The following RCAN2 variants were observed in gnomAD, a reference collection of about 807,000 sequenced individuals.
RCAN2 encodes the protein regulator of calcineurin 2.
In RCAN2, 9 loss-of-function variants were observed where a neutral mutation model predicts 23.6. The observed-to-expected ratio is 0.38, with a 90% CI of 0.23 to 0.67. The LOEUF (loss-of-function observed/expected upper bound fraction) is 0.67, where lower values mean the gene tolerates loss of function less well. Ranked by LOEUF, RCAN2 falls within the 30% of genes least tolerant of loss-of-function variation. RCAN2 has a pLI of 0.51. For missense variants in RCAN2, 273 were observed against 302.3 expected (o/e 0.90, Z 0.72); for synonymous variants, 109 against 115.7 (o/e 0.94, Z 0.37).
intron 2 of RCAN2, among the ~76,000 whole-genome samples, chr6:46,297,858 A>G (rs931828282): frequency 6.6e-6 from 1 of 152,122 alleles, no homozygotes; most frequent in African/African-American, 2.4e-5. Flanking sequence ...ATAATTCTTT[A>G]AGGCCCAAAC....
At chr6:46,358,035 C>A (rs893725122) in intron 2 of RCAN2, among the ~76,000 whole-genome samples, 2 of 152,024 alleles carry the variant, frequency 1.3e-5, no homozygotes, top group African/African-American at 4.8e-5. Context: ...TGTATAAAAT[C>A]TTTAGTTTAT....
chr6:46,388,552 T>C (rs978198108), intron 2 of RCAN2, among the ~76,000 whole-genome samples: 5 of 152,188 alleles, frequency 3.3e-5, no homozygotes, highest in Non-Finnish European at 5.9e-5. Flanking sequence ...TCAACCTTAA[T>C]GTCCATCAAT....
intron 2 of RCAN2, among the ~76,000 whole-genome samples, chr6:46,323,149 TA>T (rs1253924190): frequency 1.3e-5 from 2 of 152,160 alleles, no homozygotes; most frequent in African/African-American, 4.8e-5. Flanking sequence ...CAGCTGGATT[TA>T]GGACATTCTG....
chr6:46,267,398 AG>A (rs1254746467), intron 2 of RCAN2, among the ~76,000 whole-genome samples: 6 of 152,150 alleles, frequency 3.9e-5, no homozygotes, highest in Non-Finnish European at 7.3e-5. Flanking sequence ...AGAATTAAAG[AG>A]GGTCGGTATG....
At chr6:46,258,294 C>A (rs1219440743) in intron 2 of RCAN2, among the ~76,000 whole-genome samples, 2 of 152,228 alleles carry the variant, frequency 1.3e-5, no homozygotes. Flanking sequence ...ATGTGACGGG[C>A]ATAACTGGCG....
chr6:46,334,344 A>C (rs2150368803), intron 2 of RCAN2, among the ~76,000 whole-genome samples: 1 of 152,350 alleles, frequency 6.6e-6, no homozygotes. Flanking sequence ...CCAAACAACA[A>C]GGCCTGCCAT....
At chr6:46,284,142 G>A (rs970302006) in intron 2 of RCAN2, among the ~76,000 whole-genome samples, 3 of 152,252 alleles carry the variant, frequency 2.0e-5, no homozygotes, top group Admixed American at 6.5e-5. Context: ...AAAGGATAAA[G>A]CGATAGAGTT....
chr6:46,314,570 A>C (rs1319235999), intron 2 of RCAN2, among the ~76,000 whole-genome samples: 1 of 152,088 alleles, frequency 6.6e-6, no homozygotes, highest in Non-Finnish European at 1.5e-5. Flanking sequence ...ATTTCTACCT[A>C]TCTCCACTGT....
intron 2 of RCAN2, among the ~76,000 whole-genome samples, chr6:46,440,143 G>A (rs1341084706): frequency 1.3e-5 from 2 of 152,156 alleles, no homozygotes; most frequent in South Asian, 2.1e-4. Context: ...TTATGATGAG[G>A]ACAAACTTGA....
chr6:46,399,406 T>C (rs954873262), intron 2 of RCAN2, among the ~76,000 whole-genome samples: 3 of 150,914 alleles, frequency 2.0e-5, no homozygotes, highest in Admixed American at 6.6e-5. Context: ...TAATACACCT[T>C]GCCTGCAATT....
chr6:46,246,480 G>A (rs1221622813), intron 4 of RCAN2, among the ~76,000 whole-genome samples: 1 of 152,172 alleles, frequency 6.6e-6, no homozygotes, highest in Non-Finnish European at 1.5e-5. Flanking sequence ...AGGTAGTGCT[G>A]TTGGATCTTA....
rs565298335 is a variant in RCAN2, at chr6:46,299,381, T to C, written c.226-50485A>G. Among the ~76,000 whole-genome samples the C allele has an allele frequency of 2.2e-3, 339 of 152,090 alleles. 3 individuals are homozygous for C. Among genetic ancestry groups the C allele is most frequent in the Non-Finnish European group, 3.8e-3 (260 of 67,922 alleles). On this transcript the variant is annotated intron_variant, in intron 2 of 4. Transcript: ENST00000371374. ...AGGACTTATAGTTCATGACAGAGAATTTAGTGCAGAGTTACTTTCAGCAGA... is the reference window on the plus strand; with the variant it reads ...AGGACTTATAGTTCATGACAGAGAACTTAGTGCAGAGTTACTTTCAGCAGA...
At position 46,319,617 on chromosome 6, in the gene RCAN2, T is replaced by A. The variant is rs1011066061; in HGVS notation, c.226-70721A>T. 1.2e-4 allele frequency among the ~76,000 whole-genome samples: 19 copies of A among 152,228 alleles called. 1 individual carries two copies. The highest frequency in any genetic ancestry group is 9.8e-4 in the Admixed American group (15 of 15,282). ...TGCCTCTGAACCTTCTCAGGGAGTA[T>A]CACTTTCATAAAATCATTTCTTCCC... On this transcript the variant is annotated intron_variant, in intron 2 of 4. Transcript: ENST00000371374.
intron 2 of RCAN2, among the ~76,000 whole-genome samples, chr6:46,322,127 G>T (rs570809419): frequency 3.9e-5 from 6 of 152,200 alleles, no homozygotes; most frequent in Non-Finnish European, 8.8e-5. Flanking sequence ...TGTAAATTTC[G>T]TTACCAATCT....
At chr6:46,417,872 A>G (rs1343954827) in intron 2 of RCAN2, among the ~76,000 whole-genome samples, 1 of 152,242 alleles carries the variant, frequency 6.6e-6, no homozygotes, top group Non-Finnish European at 1.5e-5. Flanking sequence ...TTTTTGCAAT[A>G]CTTAATTGCA....
intron 1 of RCAN2, among the ~76,000 whole-genome samples, chr6:46,475,744 T>A (rs576537114): frequency 6.6e-6 from 1 of 152,128 alleles, no homozygotes; most frequent in African/African-American, 2.4e-5. Flanking sequence ...GACTCTATGA[T>A]CTAATACTGG....
chr6:46,271,303 C>T (rs566827697), intron 2 of RCAN2, among the ~76,000 whole-genome samples: 4 of 152,222 alleles, frequency 2.6e-5, no homozygotes, highest in South Asian at 2.1e-4. Context: ...TCCAGTCTAA[C>T]GACAGTATAA....
intron 2 of RCAN2, among the ~76,000 whole-genome samples, chr6:46,291,826 T>C (rs774134353): frequency 2.0e-5 from 3 of 151,982 alleles, no homozygotes; most frequent in Admixed American, 6.6e-5. Flanking sequence ...AAGGAACCCA[T>C]AGTATAAAGT....
intron 4 of RCAN2, among the ~76,000 whole-genome samples, chr6:46,226,434 ATTTG>A (rs1765667528): frequency 6.6e-6 from 1 of 152,076 alleles, no homozygotes; most frequent in South Asian, 2.1e-4. Context: ...ATGTTCTTCC[ATTTG>A]TTTGTGTCCT....
Sources: gnomAD v4.1 joint callset for allele counts (sites outside exome capture counted in the v4.1 genomes callset) on GRCh38, gnomAD v4.1.1 for gene constraint, MANE v1.5 for transcripts, NCBI Gene and HGNC (gene_info 2026-07-23, HGNC 2026-07-21) for gene names.